Variants in SNX14 observed in about 807,000 individuals in gnomAD.
The protein encoded by SNX14 is sorting nexin 14.
A neutral mutation model predicts 133.8 loss-of-function variants in SNX14; 93 were observed. That is an observed-to-expected ratio of 0.70 (90% CI 0.59 to 0.83). The LOEUF is 0.83. Among genes scored for constraint, SNX14 ranks in the 40% least tolerant of loss-of-function variants. The pLI is 0.00. For missense variants in SNX14, 945 were observed against 1,094.9 expected (o/e 0.86, Z 1.93); for synonymous variants, 368 against 365.6 (o/e 1.01, Z -0.07).
At chr6:85,514,358 T>C in intron 24 of SNX14, 124 bp from the exon 25 acceptor site, 2 of 1,449,364 alleles carry the variant, frequency 1.4e-6, no homozygotes, top group Non-Finnish European at 1.9e-6. Flanking sequence ...GCAACTTTAA[T>C]ATGATCAAGG....
At chr6:85,568,577 T>G (rs1444189517) in intron 4 of SNX14, 2 of 152,138 alleles carry the variant, frequency 1.3e-5, no homozygotes, top group Non-Finnish European at 2.9e-5. Context: ...TTTCTTGGAT[T>G]TGGGTGTCGC....
intron 25 of SNX14, 36 bp downstream of exon 25, chr6:85,514,034 A>G (rs766538117): frequency 4.4e-6 from 7 of 1,585,502 alleles, no homozygotes; most frequent in Non-Finnish European, 6.0e-6. Context: ...CATAGAGTAC[A>G]CAAAATATGA....
chr6:85,551,900 T>A (rs960141425), intron 7 of SNX14, among the ~76,000 whole-genome samples: 1 of 152,196 alleles, frequency 6.6e-6, no homozygotes, highest in Admixed American at 6.5e-5. Context: ...ATAACTAGTA[T>A]TTTCAAATGT....
chr6:85,526,760 C>T (rs1778609960), intron 20 of SNX14, among the ~76,000 whole-genome samples: 1 of 152,192 alleles, frequency 6.6e-6, no homozygotes, highest in South Asian at 2.1e-4. Context: ...GTTCTTCCTG[C>T]AACACTGTTT....
intron 15 of SNX14, among the ~76,000 whole-genome samples, chr6:85,540,068 T>C (rs1490563633): frequency 6.6e-6 from 1 of 151,996 alleles, no homozygotes; most frequent in Non-Finnish European, 1.5e-5. Flanking sequence ...TTTAAGTGAT[T>C]CTCCTGCCTC....
intron 21 of SNX14, among the ~76,000 whole-genome samples, chr6:85,520,376 T>C (rs1344330837): frequency 6.8e-6 from 1 of 146,526 alleles, no homozygotes; most frequent in Non-Finnish European, 1.5e-5. Flanking sequence ...TTTTTTTTTT[T>C]AGATGGAGTT....
At chr6:85,544,078 ATTATT>A (rs1784732514) in intron 12 of SNX14, among the ~76,000 whole-genome samples, 1 of 152,154 alleles carries the variant, frequency 6.6e-6, no homozygotes, top group African/African-American at 2.4e-5. Context: ...AAAGTCTTTT[ATTATT>A]TTGAGATCTG....
At chr6:85,525,053 A>G (rs922335819) in intron 21 of SNX14, among the ~76,000 whole-genome samples, 5 of 152,166 alleles carry the variant, frequency 3.3e-5, no homozygotes, top group African/African-American at 1.2e-4. Flanking sequence ...AACTATAATA[A>G]ATAATTCATC....
chr6:85,582,178 G>A (rs1363863397), intron 1 of SNX14, among the ~76,000 whole-genome samples: 1 of 152,120 alleles, frequency 6.6e-6, no homozygotes, highest in Admixed American at 6.6e-5. Flanking sequence ...TACAGGTCAG[G>A]AGAGACATAG....
chr6:85,513,208 A>G (rs561444001), intron 26 of SNX14, among the ~76,000 whole-genome samples: 1 of 152,284 alleles, frequency 6.6e-6, no homozygotes, highest in African/African-American at 2.4e-5. Flanking sequence ...TTCCCGTCAC[A>G]GTTAAGAGGT....
intron 21 of SNX14, among the ~76,000 whole-genome samples, chr6:85,524,965 TTGTAA>T (rs1290428531): frequency 1.3e-5 from 2 of 152,290 alleles, no homozygotes; most frequent in Non-Finnish European, 2.9e-5. Flanking sequence ...ATACATGTAC[TTGTAA>T]TGTATGTACT....
In SNX14 at chr6:85,556,905, C is replaced by T. The variant is rs187218240; in HGVS notation, c.634+1071G>A. 2.4e-4 allele frequency among the ~76,000 whole-genome samples: 36 copies of T among 152,236 alleles called. 2 individuals are homozygous for T. In the East Asian group the frequency reaches 6.9e-3, roughly 29 times the overall value. On this transcript the variant is annotated intron_variant, in intron 7 of 28. Transcript: ENST00000314673. ...CAAATAAACTAATAATTTCATTTAA[C>T]TTCAAATCTACCTATAGCATAATTT...
chr6:85,545,324 C>T (rs551430763), intron 12 of SNX14, among the ~76,000 whole-genome samples: 23 of 152,174 alleles, frequency 1.5e-4, no homozygotes, highest in South Asian at 2.1e-4. Flanking sequence ...AAATATATCA[C>T]GTGTAAATGT....
chr6:85,549,320 T>TA, intron 8 of SNX14, among the ~76,000 whole-genome samples: 1 of 152,122 alleles, frequency 6.6e-6, no homozygotes, highest in East Asian at 1.9e-4. Flanking sequence ...TGACCTCCAA[T>TA]TCTTTTTCCC....
intron 1 of SNX14, among the ~76,000 whole-genome samples, chr6:85,575,939 C>G (rs972344107): frequency 1.3e-5 from 2 of 152,176 alleles, no homozygotes; most frequent in Admixed American, 1.3e-4. Context: ...TTAAGTTACT[C>G]TTAATATGTT....
At chr6:85,572,964 AG>A (rs1184062236) in intron 2 of SNX14, among the ~76,000 whole-genome samples, 4 of 152,332 alleles carry the variant, frequency 2.6e-5, no homozygotes, top group African/African-American at 9.6e-5. Flanking sequence ...AAAAAAAGGA[AG>A]AAAGAAAAAA....
At chr6:85,591,072 G>A (rs572506710) in intron 1 of SNX14, among the ~76,000 whole-genome samples, 1 of 152,268 alleles carries the variant, frequency 6.6e-6, no homozygotes, top group East Asian at 1.9e-4. Context: ...TGACTTCATA[G>A]GGGTCAGTGG....
chr6:85,576,881 A>C (rs1797511536), intron 1 of SNX14, among the ~76,000 whole-genome samples: 1 of 152,202 alleles, frequency 6.6e-6, no homozygotes, highest in African/African-American at 2.4e-5. Flanking sequence ...AAGATTTTAA[A>C]AAATTTTCAA....
chr6:85,577,923 A>C (rs1323716810), intron 1 of SNX14, among the ~76,000 whole-genome samples: 1 of 152,234 alleles, frequency 6.6e-6, no homozygotes, highest in Non-Finnish European at 1.5e-5. Context: ...AGGCAAAAAC[A>C]ATTTTAGAAT....
Sources: allele counts gnomAD v4.1 joint callset (sites outside exome capture counted in the v4.1 genomes callset), GRCh38; gene constraint gnomAD v4.1.1; transcripts MANE v1.5; gene names NCBI Gene and HGNC (gene_info 2026-07-23, HGNC 2026-07-21).